PCDHGA2: variants seen among roughly 807,000 people sequenced by gnomAD.
The protein encoded by PCDHGA2 is protocadherin gamma subfamily A, 2, also known as protocadherin gamma-A2.
In PCDHGA2, 40 loss-of-function variants were observed where a neutral mutation model predicts 59.2. The observed-to-expected ratio is 0.68, with a 90% CI of 0.52 to 0.88. The LOEUF (loss-of-function observed/expected upper bound fraction) is 0.88. Among genes scored for constraint, PCDHGA2 ranks in the 40% least tolerant of loss-of-function variants. The pLI, the probability that PCDHGA2 is intolerant of heterozygous loss-of-function variation, is 0.00. For missense variants in PCDHGA2, 1,226 were observed against 1,204.0 expected, an observed-to-expected ratio of 1.02 and a Z score of -0.27; for synonymous variants, 560 against 526.0, an observed-to-expected ratio of 1.06 and a Z score of -0.89.
intron 1 of PCDHGA2, among the ~76,000 whole-genome samples, chr5:141,453,692 C>G (rs1182118927): frequency 6.6e-6 from 1 of 152,146 alleles, no homozygotes; most frequent in African/African-American, 2.4e-5. Flanking sequence ...GTAGGTAGTC[C>G]TGGCTTTGAA....
At chr5:141,365,572 G>A (rs543051313) in intron 1 of PCDHGA2, 3 of 1,613,640 alleles carry the variant, frequency 1.9e-6, no homozygotes, top group Admixed American at 3.3e-5. Flanking sequence ...ACAGAGAAGA[G>A]ACTTCAGATT....
At position 141,431,418 on chromosome 5, in the gene PCDHGA2, C is replaced by G. The variant is rs571505529; in HGVS notation, c.2425-63389C>G. On this transcript the variant is annotated intron_variant, in intron 1 of 3. Transcript: ENST00000394576. The surrounding 1 kb of genome is among the most constrained non-coding windows in gnomAD (Gnocchi z 4.8). ...CTTACGGCCTCCGACGGGGGCGACC[C>G]GGTGCGCACAGGCACCGCGCGCATC... is the stretch of plus-strand genomic sequence containing the variant. 6.8e-6 allele frequency: 11 copies of G among 1,613,588 alleles called. No homozygotes were observed. In the South Asian group the frequency reaches 1.1e-4, roughly 16 times the overall value.
intron 1 of PCDHGA2, chr5:141,430,711 C>T (rs2097304226): frequency 1.3e-6 from 2 of 1,483,856 alleles, no homozygotes; most frequent in African/African-American, 2.8e-5. Context: ...CTGCTCCTGA[C>T]TTCAGTGGTT....
chr5:141,447,328 C>T (rs546209008), intron 1 of PCDHGA2, among the ~76,000 whole-genome samples: 39 of 151,886 alleles, frequency 2.6e-4, no homozygotes, highest in Admixed American at 7.2e-4. Flanking sequence ...TTAGTAGAGA[C>T]GGGTTTCATC....
intron 1 of PCDHGA2, chr5:141,355,155 G>A (rs766569835): frequency 1.3e-6 from 2 of 1,552,396 alleles, no homozygotes; most frequent in Non-Finnish European, 1.7e-6. Flanking sequence ...CTCAGGCCTC[G>A]ACAGAGGGAA....
chr5:141,389,156 T>TC, intron 1 of PCDHGA2: 1 of 1,613,950 alleles, frequency 6.2e-7, no homozygotes, highest in Non-Finnish European at 8.5e-7. Context: ...CGGCAACAGA[T>TC]CGGGGCAAGC....
At chr5:141,409,212 T>C (rs751644523) in intron 1 of PCDHGA2, 1 of 1,613,924 alleles carries the variant, frequency 6.2e-7, no homozygotes, top group Non-Finnish European at 8.5e-7. Context: ...ATCATAGAAA[T>C]CCTTGATGAA....
chr5:141,394,795 C>T (rs543209610), intron 1 of PCDHGA2: 1 of 1,613,676 alleles, frequency 6.2e-7, no homozygotes, highest in Non-Finnish European at 8.5e-7. Context: ...GTCACGCTCA[C>T]CGTAGCCGTG....
chr5:141,450,823 A>ATT (rs1453980247), intron 1 of PCDHGA2, among the ~76,000 whole-genome samples: 2 of 133,076 alleles, frequency 1.5e-5, no homozygotes, highest in East Asian at 2.2e-4. Flanking sequence ...TAATATTATT[A>ATT]TTATTATTTT....
At position 141,393,516 on chromosome 5, in the gene PCDHGA2, A is replaced by G. The variant is rs368866192; in HGVS notation, c.2424+52121A>G. 1.5e-5 allele frequency: 24 copies of G among 1,614,046 alleles called. No homozygotes were observed. Among genetic ancestry groups the G allele is most frequent in the African/African-American group, 2.7e-5 (2 of 75,084 alleles). ...GCGCATCCACGTGACAGTGTTGGAT[A>G]CAAATGACAATGCCCCGGTTTTTCC... is the stretch of plus-strand genomic sequence containing the variant. On this transcript the variant is annotated intron_variant, in intron 1 of 3. Transcript: ENST00000394576.
intron 1 of PCDHGA2, chr5:141,375,428 C>A (rs749307933): frequency 2.5e-6 from 4 of 1,613,984 alleles, no homozygotes; most frequent in East Asian, 2.2e-5. Flanking sequence ...CAACGACAAC[C>A]CGCCCACCTT....
intron 1 of PCDHGA2, chr5:141,366,451 C>G: frequency 6.2e-7 from 1 of 1,614,228 alleles, no homozygotes; most frequent in Non-Finnish European, 8.5e-7. Context: ...TCCTGGCCTT[C>G]GTCATCGTGC....
chr5:141,415,249 G>A (rs756443082), intron 1 of PCDHGA2: 1 of 1,614,204 alleles, frequency 6.2e-7, no homozygotes, highest in South Asian at 1.1e-5. Context: ...TGAAACCTCA[G>A]ACCTCACTCT....
intron 1 of PCDHGA2, among the ~76,000 whole-genome samples, chr5:141,456,690 C>T (rs893478646): frequency 7.2e-5 from 11 of 152,218 alleles, no homozygotes; most frequent in Admixed American, 5.2e-4. Flanking sequence ...ACTGGCCAGG[C>T]GTGGTGGCTC....
At chr5:141,404,776 A>G (rs2094566348) in intron 1 of PCDHGA2, 1 of 1,612,952 alleles carries the variant, frequency 6.2e-7, no homozygotes, top group Non-Finnish European at 8.5e-7. Flanking sequence ...CCTACCGCCT[A>G]TTCAAGGCCA....
intron 1 of PCDHGA2, chr5:141,389,866 T>C: frequency 6.2e-7 from 1 of 1,614,082 alleles, no homozygotes; most frequent in South Asian, 1.1e-5. Context: ...TTGCACCTGG[T>C]CTTCGCCGAC....
At chr5:141,370,460 C>G (rs373931690) in intron 1 of PCDHGA2, 43 of 1,612,562 alleles carry the variant, frequency 2.7e-5, no homozygotes, top group East Asian at 4.5e-5. Flanking sequence ...TCTTCCTGCT[C>G]TCTTTGTTAG....
At position 141,351,282 on chromosome 5, in the gene PCDHGA2, C is replaced by G. The variant is rs1451959157; in HGVS notation, c.2424+9887C>G. 6 of 1,613,698 alleles carry G rather than the reference C, an allele frequency of 3.7e-6. No homozygotes were observed. In the African/African-American group the frequency reaches 8.0e-5, roughly 22 times the overall value. On this transcript the variant is annotated intron_variant, in intron 1 of 3. Coordinates refer to ENST00000394576, the MANE Select transcript of PCDHGA2 (RefSeq NM_018915.4). The stretch of plus-strand genomic sequence containing the variant: ...ATTGTTGACGAGAATGACAATGCCC[C>G]AGAGGTGACATTCATGTCCTTCTCT...
chr5:141,432,061 G>T lies in PCDHGA2; in HGVS notation c.2425-62746G>T. On this transcript the variant is annotated intron_variant, in intron 1 of 3. Coordinates refer to ENST00000394576, the MANE Select transcript of PCDHGA2 (RefSeq NM_018915.4). The surrounding 1 kb of genome is among the most constrained non-coding windows in gnomAD (Gnocchi z 6.0). ...ACCGGGGAACCCCGCCCCTATCCAC[G>T]GAAACTCATATCTCGCTGAACGTGG... 1.9e-6 allele frequency: 3 copies of T among 1,614,130 alleles called. No homozygotes were observed. The highest frequency in any genetic ancestry group is 2.5e-6 in the Non-Finnish European group (3 of 1,180,034).
Sources: allele counts gnomAD v4.1 joint callset (sites outside exome capture counted in the v4.1 genomes callset), GRCh38; gene constraint gnomAD v4.1.1; non-coding constraint Gnocchi (gnomAD v3.1); transcripts MANE v1.5; gene names NCBI Gene and HGNC (gene_info 2026-07-23, HGNC 2026-07-21).